CDIN1: variants seen among roughly 807,000 people sequenced by gnomAD.
The protein encoded by CDIN1 is CDAN1-interacting nuclease 1.
In CDIN1, 33 loss-of-function variants were observed where a neutral mutation model predicts 45.3. The ratio of observed to expected loss-of-function variants is 0.73; its 90% CI spans 0.55 to 0.97. The LOEUF (loss-of-function observed/expected upper bound fraction) is 0.97. Among genes scored for constraint, CDIN1 ranks in the 50% least tolerant of loss-of-function variants. The pLI, the probability that CDIN1 is intolerant of heterozygous loss-of-function variation, is 0.00. For synonymous variants in CDIN1, 118 were observed against 124.4 expected (o/e 0.95, Z 0.34); for missense variants, 303 against 339.4 (o/e 0.89, Z 0.84).
At chr15:36,584,401 G>T (rs551772652) in intron 1 of CDIN1, among the ~76,000 whole-genome samples, 20 of 152,278 alleles carry the variant, frequency 1.3e-4, no homozygotes, top group African/African-American at 4.6e-4. Flanking sequence ...TGCCACTGCA[G>T]TCCAGCCTGA....
intron 3 of CDIN1, among the ~76,000 whole-genome samples, chr15:36,647,820 T>G (rs1300561237): frequency 6.6e-6 from 1 of 151,288 alleles, no homozygotes; most frequent in Admixed American, 6.6e-5. Context: ...TTGTGAAAAT[T>G]AAGCATATTT....
At chr15:36,708,458 A>ATTTTTTTTTTTTTTTT (rs3045907) in intron 8 of CDIN1, 1 of 139,158 alleles carries the variant, frequency 7.2e-6, no homozygotes. Context: ...ATATTGGTGG[A>ATTTTTTTTTTTTTTTT]TTTTTTTTTT....
chr15:36,666,314 T>C (rs1444569218), intron 5 of CDIN1, among the ~76,000 whole-genome samples: 1 of 152,186 alleles, frequency 6.6e-6, no homozygotes, highest in African/African-American at 2.4e-5. Context: ...TGTAGTAGAC[T>C]GAGAATTATC....
intron 1 of CDIN1, among the ~76,000 whole-genome samples, chr15:36,602,732 G>C (rs1041052327): frequency 3.9e-5 from 6 of 152,182 alleles, no homozygotes; most frequent in African/African-American, 1.2e-4. Flanking sequence ...CAGCACTTTG[G>C]GAGGCCGAGG....
At chr15:36,627,141 T>C in intron 1 of CDIN1, 1 of 195,796 alleles carries the variant, frequency 5.1e-6, no homozygotes, top group Non-Finnish European at 1.1e-5. Context: ...CCCACCTCCA[T>C]GCACTGGGTG....
At chr15:36,582,703 C>G (rs2037103507) in intron 1 of CDIN1, among the ~76,000 whole-genome samples, 1 of 152,172 alleles carries the variant, frequency 6.6e-6, no homozygotes, top group Admixed American at 6.5e-5. Flanking sequence ...CTAGCTAATT[C>G]AAATCAAAGC....
At chr15:36,787,955 T>C (rs774352509) in intron 10 of CDIN1, among the ~76,000 whole-genome samples, 7 of 150,336 alleles carry the variant, frequency 4.7e-5, no homozygotes, top group African/African-American at 1.7e-4. Context: ...ATTCATACTT[T>C]TTAATAGAAA....
At chr15:36,750,146 A>T (rs1451989506) in intron 10 of CDIN1, among the ~76,000 whole-genome samples, 1 of 151,956 alleles carries the variant, frequency 6.6e-6, no homozygotes, top group African/African-American at 2.4e-5. Context: ...TCCAAACCAA[A>T]AAACCTATGT....
At position 36,809,716 on chromosome 15, in the gene CDIN1, T is replaced by C. The variant is rs772816165; in HGVS notation, c.*1263T>C. 6.6e-6 allele frequency: 1 copy of C among 152,192 alleles called. No homozygotes were observed. Among genetic ancestry groups the C allele is most frequent in the East Asian group, 1.9e-4 (1 of 5,196 alleles). The allele number at this position is 152,192 out of a possible 1,614,324, so 9.4% of individuals were successfully genotyped here. A position where few individuals can be genotyped will look rare whatever the true frequency, so the allele number is the denominator to read the frequency against. ...ATATGGGAAATACTAATAACAACAA[T>C]GTAATTTTTGCAGACAGCTTTAACT... On this transcript the variant is annotated 3_prime_UTR_variant, in exon 11 of 11. Coordinates refer to ENST00000566621, the MANE Select transcript of CDIN1 (RefSeq NM_001321759.2).
At chr15:36,623,883 C>T (rs576421493) in intron 1 of CDIN1, among the ~76,000 whole-genome samples, 1 of 152,258 alleles carries the variant, frequency 6.6e-6, no homozygotes, top group Admixed American at 6.5e-5. Context: ...GAGTCTAAGG[C>T]CAAACTGCCT....
intron 3 of CDIN1, among the ~76,000 whole-genome samples, chr15:36,652,081 T>C (rs2040597198): frequency 6.6e-6 from 1 of 152,230 alleles, no homozygotes; most frequent in African/African-American, 2.4e-5. Context: ...TGCTCCTTCT[T>C]TTCATGCTGA....
intron 1 of CDIN1, among the ~76,000 whole-genome samples, chr15:36,603,184 C>T (rs942874319): frequency 4.0e-5 from 6 of 150,608 alleles, no homozygotes; most frequent in Admixed American, 2.7e-4. Flanking sequence ...TAACTATTAG[C>T]CCTTATTTTA....
chr15:36,597,993 T>C (rs919344529), intron 1 of CDIN1, among the ~76,000 whole-genome samples: 1 of 152,182 alleles, frequency 6.6e-6, no homozygotes, highest in African/African-American at 2.4e-5. Flanking sequence ...GTAAAACTTA[T>C]TATGATTATT....
chr15:36,603,789 G>GA (rs966500935), intron 1 of CDIN1, among the ~76,000 whole-genome samples: 3 of 152,058 alleles, frequency 2.0e-5, no homozygotes. Context: ...AGAGAACCCT[G>GA]AAAAAAGAGT....
intron 1 of CDIN1, among the ~76,000 whole-genome samples, chr15:36,614,361 T>C (rs868370772): frequency 1.2e-4 from 18 of 152,040 alleles, no homozygotes; most frequent in African/African-American, 4.1e-4. Flanking sequence ...TTTGCCAAAC[T>C]GTCTCTGCCT....
At chr15:36,805,372 A>G in intron 10 of CDIN1, among the ~76,000 whole-genome samples, 1 of 152,144 alleles carries the variant, frequency 6.6e-6, no homozygotes, top group East Asian at 1.9e-4. Context: ...TGCTGTGCAT[A>G]TCTCCTCAGA....
At chr15:36,698,131 A>G (rs1245362280) in intron 8 of CDIN1, among the ~76,000 whole-genome samples, 2 of 152,208 alleles carry the variant, frequency 1.3e-5, no homozygotes, top group African/African-American at 4.8e-5. Context: ...ATTTTAGGAC[A>G]TACACAAAAA....
intron 3 of CDIN1, among the ~76,000 whole-genome samples, chr15:36,649,338 T>C (rs898388599): frequency 3.3e-5 from 5 of 152,150 alleles, no homozygotes; most frequent in Non-Finnish European, 5.9e-5. Context: ...TGAATTGCAA[T>C]TGGGATATAA....
chr15:36,665,789 AT>A (rs2041226350), intron 5 of CDIN1, among the ~76,000 whole-genome samples: 1 of 152,144 alleles, frequency 6.6e-6, no homozygotes, highest in African/African-American at 2.4e-5. Flanking sequence ...TACAATCCTG[AT>A]TTCATATACT....
Sources: gnomAD v4.1 joint callset for allele counts (sites outside exome capture counted in the v4.1 genomes callset) on GRCh38, gnomAD v4.1.1 for gene constraint, MANE v1.5 for transcripts, NCBI Gene and HGNC (gene_info 2026-07-23, HGNC 2026-07-21) for gene names.